SSH2: variants seen among roughly 807,000 people sequenced by gnomAD.
The protein encoded by SSH2 is slingshot protein phosphatase 2.
In SSH2, 37 loss-of-function variants were observed where a neutral mutation model predicts 135.2. That is an observed-to-expected ratio of 0.27 (90% confidence interval 0.21 to 0.36). SSH2 has a LOEUF of 0.36. SSH2 is among the 10% of genes least tolerant of loss of function. The pLI is 1.00. For missense variants in SSH2, 1,408 were observed against 1,765.3 expected (o/e 0.80, Z 3.63); for synonymous variants, 628 against 646.2 (o/e 0.97, Z 0.43).
At chr17:29,830,121 G>C (rs2042819363) in intron 2 of SSH2, among the ~76,000 whole-genome samples, 1 of 152,126 alleles carries the variant, frequency 6.6e-6, no homozygotes, top group African/African-American at 2.4e-5. Context: ...TTAGAGGTGT[G>C]AGCCACCGCA....
At chr17:29,881,752 G>C (rs1463951428) in intron 1 of SSH2, among the ~76,000 whole-genome samples, 1 of 151,956 alleles carries the variant, frequency 6.6e-6, no homozygotes, top group African/African-American at 2.4e-5. Flanking sequence ...TGCCCACCTC[G>C]GCCTCCCAAA....
At chr17:29,708,419 C>G (rs1454814792) in intron 3 of SSH2, among the ~76,000 whole-genome samples, 1 of 151,900 alleles carries the variant, frequency 6.6e-6, no homozygotes. Flanking sequence ...GAAACCCCAT[C>G]TCGACTAAAA....
At chr17:29,908,656 C>T (rs1599176984) in intron 1 of SSH2, among the ~76,000 whole-genome samples, 3 of 147,802 alleles carry the variant, frequency 2.0e-5, no homozygotes, top group African/African-American at 5.0e-5. Context: ...CCCAGTTACT[C>T]GGGAGGCTGA....
Position 29,823,555 on chromosome 17 carries a change from G to A in SSH2, c.144+25294C>T, listed in dbSNP as rs150178782. Reference sequence around the variant, plus strand: ...GAACTCCAGGGTACCTCCCCCATGCGGATGCCCTCCTAACCCACTTGGGCA... The same window carrying A: ...GAACTCCAGGGTACCTCCCCCATGCAGATGCCCTCCTAACCCACTTGGGCA... On this transcript the variant is annotated intron_variant, in intron 2 of 15. Coordinates refer to ENST00000540801, the MANE Select transcript of SSH2 (RefSeq NM_001282129.2). 2.0e-5 allele frequency among the ~76,000 whole-genome samples: 3 copies of A among 152,120 alleles called. No homozygotes were observed. The East Asian group carries it at 5.8e-4, about 29-fold the overall frequency.
chr17:29,769,012 C>G (rs1022148614), intron 3 of SSH2, among the ~76,000 whole-genome samples: 2 of 151,824 alleles, frequency 1.3e-5, no homozygotes, highest in African/African-American at 4.8e-5. Flanking sequence ...TCCAGGAATT[C>G]GAGACCAGCC....
Position 29,632,789 on chromosome 17 carries a change from T to G in SSH2, c.2405A>C (p.Asn802Thr). ...QIQLKGDILPNPCHTPKKNSI... is the reference protein window; with the variant it reads ...QIQLKGDILPTPCHTPKKNSI... Reference sequence around the variant, plus strand: ...GTTCTTCTTTGGTGTATGGCATGGGTTGGGTAAGATGTCTCCTTTCAGTTG... The same window carrying G: ...GTTCTTCTTTGGTGTATGGCATGGGGTGGGTAAGATGTCTCCTTTCAGTTG... Residue 802 changes from asparagine to threonine, a missense_variant, in exon 16 of 16, where the codon AAC (asparagine) becomes ACC (threonine). Transcript: ENST00000540801. The G allele has an allele frequency of 1.2e-6, 2 of 1,613,880 alleles. No individual in the cohort carries two copies. The highest frequency in any genetic ancestry group is 1.7e-6 in the Non-Finnish European group (2 of 1,179,954).
At chr17:29,838,665 A>G (rs2042986678) in intron 2 of SSH2, among the ~76,000 whole-genome samples, 1 of 152,072 alleles carries the variant, frequency 6.6e-6, no homozygotes, top group African/African-American at 2.4e-5. Flanking sequence ...CTGAACACTC[A>G]TCGGGATGAC....
At chr17:29,693,724 TATAAA>T (rs2038594067) in intron 5 of SSH2, among the ~76,000 whole-genome samples, 2 of 152,204 alleles carry the variant, frequency 1.3e-5, no homozygotes. Context: ...AAAATTAAGA[TATAAA>T]ATAACTATGA....
intron 3 of SSH2, among the ~76,000 whole-genome samples, chr17:29,759,792 C>A (rs2041233765): frequency 6.6e-6 from 1 of 152,186 alleles, no homozygotes; most frequent in South Asian, 2.1e-4. Context: ...TATGTACATA[C>A]CACATTTTGT....
In SSH2 at chr17:29,689,108, A is replaced by C. The variant is rs141240973; in HGVS notation, c.358-4424T>G. Among the ~76,000 whole-genome samples, 44 of 152,074 alleles carry C rather than the reference A, an allele frequency of 2.9e-4. No individual in the cohort carries two copies. The East Asian group carries it at 8.1e-3, about 28-fold the overall frequency. On this transcript the variant is annotated intron_variant, in intron 5 of 15. Transcript: ENST00000540801. ...AGGAGGAGGAGGTTGCAGTAGGTTG[A>C]GATCACGCCACTCCACTCCAGCCTG... is the stretch of plus-strand genomic sequence containing the variant.
At chr17:29,791,434 C>T (rs2042062560) in intron 3 of SSH2, among the ~76,000 whole-genome samples, 1 of 152,124 alleles carries the variant, frequency 6.6e-6, no homozygotes, top group South Asian at 2.1e-4. Context: ...CTGGAACTGG[C>T]CTTTAGTTTT....
At chr17:29,929,535 T>C (rs949774780) in intron 1 of SSH2, among the ~76,000 whole-genome samples, 3 of 151,650 alleles carry the variant, frequency 2.0e-5, no homozygotes, top group Admixed American at 6.6e-5. Flanking sequence ...GTCTATGAAA[T>C]GGTGTGGGTA....
intron 5 of SSH2, among the ~76,000 whole-genome samples, chr17:29,691,736 C>T (rs922337618): frequency 1.2e-4 from 19 of 152,024 alleles, no homozygotes; most frequent in Admixed American, 7.8e-4. Context: ...GTGATCCACC[C>T]GCCTCGGCCT....
intron 1 of SSH2, among the ~76,000 whole-genome samples, chr17:29,860,579 G>T (rs190296460): frequency 7.9e-5 from 12 of 151,210 alleles, no homozygotes; most frequent in Non-Finnish European, 1.3e-4. Context: ...TTACAGGAGG[G>T]TCCCACCATG....
rs2035908232 is a variant in SSH2 at position 29,636,213 on chromosome 17, T to G, written c.2017A>C (p.Ser673Arg). The change falls in exon 15 of 16, where the codon AGT becomes CGT. Residue 673 changes from serine (S) to arginine (R), a missense_variant. Ser to Arg is a moderately radical substitution (Grantham distance 110). This residue lies in a region of SSH2 where 1,080 missense variants were observed against 1,144.5 expected (regional missense o/e 0.94). Coordinates refer to ENST00000540801, the MANE Select transcript of SSH2 (RefSeq NM_001282129.2). The part of the protein sequence containing the change: ...PSCQTEISDF[S>R]TDRIDFFSAL... ...CTAAAAAAGTCAATGCGATCTGTAC[T>G]GAAATCTGAGATTTCAGTCTGGCAA... 6.2e-7 allele frequency: 1 copy of G among 1,614,158 alleles called. No homozygotes were observed. Among genetic ancestry groups the G allele is most frequent in the Non-Finnish European group, 8.5e-7 (1 of 1,180,028 alleles).
chr17:29,770,095 T>TTTTTG (rs1437298217), intron 3 of SSH2, among the ~76,000 whole-genome samples: 7 of 104,946 alleles, frequency 6.7e-5, no homozygotes, highest in South Asian at 3.2e-4. Context: ...ATATTTAGTT[T>TTTTTG]TTTTTTTTTT....
chr17:29,645,562 G>A (rs148617297), intron 14 of SSH2: 32 of 152,112 alleles, frequency 2.1e-4, no homozygotes, highest in African/African-American at 7.5e-4. Context: ...GGCAGGACAC[G>A]TAGTATCCTT....
chr17:29,818,500 A>C (rs1436327996), intron 2 of SSH2, among the ~76,000 whole-genome samples: 1 of 152,114 alleles, frequency 6.6e-6, no homozygotes, highest in Non-Finnish European at 1.5e-5. Flanking sequence ...TGCCCGCCTC[A>C]GCCTCCCAAA....
At chr17:29,789,735 C>T (rs997445312) in intron 3 of SSH2, among the ~76,000 whole-genome samples, 5 of 152,308 alleles carry the variant, frequency 3.3e-5, no homozygotes, top group African/African-American at 7.2e-5. Flanking sequence ...ATGAGGGTGA[C>T]GCTGCCACTC....
Sources: gnomAD v4.1 joint callset for allele counts (sites outside exome capture counted in the v4.1 genomes callset) on GRCh38, gnomAD v4.1.1 for gene constraint, gnomAD v4.1.1 regional missense constraint, MANE v1.5 for transcripts, NCBI Gene and HGNC (gene_info 2026-07-23, HGNC 2026-07-21) for gene names.